The following SGSM3 variants were observed in gnomAD, a reference collection of about 807,000 sequenced individuals.
The protein encoded by SGSM3 is small G protein signaling modulator 3.
SGSM3 carries 96 observed loss-of-function variants against 100.5 expected under a neutral mutation model. The ratio of observed to expected loss-of-function variants is 0.96; its 90% CI spans 0.81 to 1.13. The LOEUF (loss-of-function observed/expected upper bound fraction) is 1.13. Ranked by LOEUF, SGSM3 falls within the 50% of genes most tolerant of loss-of-function variation. The pLI, the probability that SGSM3 is intolerant of heterozygous loss-of-function variation, is 0.00. For synonymous variants in SGSM3, 483 were observed against 422.8 expected (o/e 1.14, Z -1.75); for missense variants, 1,001 against 1,015.8 (o/e 0.99, Z 0.20).
intron 2 of SGSM3, 75 bp downstream of exon 2, chr22:40,400,888 G>C (rs1395784415): frequency 7.2e-7 from 1 of 1,394,804 alleles, no homozygotes; most frequent in Non-Finnish European, 9.6e-7. Flanking sequence ...AAGGTGGCTT[G>C]TTTTCCATAA....
chr22:40,384,150 G>A (rs2048045712), intron 1 of SGSM3, among the ~76,000 whole-genome samples: 1 of 152,098 alleles, frequency 6.6e-6, no homozygotes, highest in African/African-American at 2.4e-5. Flanking sequence ...AGGCTGAGGA[G>A]AGATGATTGC....
chr22:40,389,226 T>G (rs1186965383), intron 1 of SGSM3, among the ~76,000 whole-genome samples: 1 of 152,058 alleles, frequency 6.6e-6, no homozygotes, highest in East Asian at 1.9e-4. Context: ...TCATGACACA[T>G]AGACACCCAG....
chr22:40,404,545 C>T lies in SGSM3; in HGVS notation c.367-12C>T, dbSNP rs1415727454. ...AGAAAGACTGAGTGCCCTTGCGGCT[C>T]CCTTCCCTCAGCTGTGGATGCGGCT... On this transcript the variant is annotated splice_polypyrimidine_tract_variant and intron_variant, in intron 5 of 21. Transcript: ENST00000248929. The T allele has an allele frequency of 1.9e-6, 3 of 1,612,840 alleles. No individual in the cohort carries two copies. Among genetic ancestry groups the T allele is most frequent in the Admixed American group, 1.7e-5 (1 of 59,942 alleles).
intron 1 of SGSM3, among the ~76,000 whole-genome samples, chr22:40,393,404 C>T (rs2049621770): frequency 6.6e-6 from 1 of 152,256 alleles, no homozygotes; most frequent in South Asian, 2.1e-4. Flanking sequence ...TAGGCGTGAG[C>T]CACTGTGCCA....
At chr22:40,373,899 C>T (rs1181221351) in intron 1 of SGSM3, among the ~76,000 whole-genome samples, 4 of 151,988 alleles carry the variant, frequency 2.6e-5, no homozygotes, top group African/African-American at 9.7e-5. Flanking sequence ...CAGGCGTGAG[C>T]CACCACACCT....
At position 40,401,466 on chromosome 22, in the gene SGSM3, A is replaced by C. The variant is rs963086460; in HGVS notation, c.8-127A>C. ...TCTCCATGTTGGCCAGGCTGGTCTCAAACTCCTGACCTCAGGTGATCTGCC... is the reference window on the plus strand; with the variant it reads ...TCTCCATGTTGGCCAGGCTGGTCTCCAACTCCTGACCTCAGGTGATCTGCC... On this transcript the variant is annotated intron_variant, in intron 2 of 21. Transcript: ENST00000248929. 1.2e-5 allele frequency: 8 copies of C among 649,354 alleles called. No homozygotes were observed. In the African/African-American group the frequency reaches 1.3e-4, roughly 10 times the overall value. The allele number at this position is 649,354 out of a possible 1,614,324, so 40.2% of individuals were successfully genotyped here.
rs2051634780 is a variant in SGSM3, at chr22:40,406,938, G to C, written c.1186-79G>C. 3 of 1,360,462 alleles carry C rather than the reference G, an allele frequency of 2.2e-6. No individual in the cohort carries two copies. In the East Asian group the frequency reaches 7.5e-5, roughly 34 times the overall value. 84.3% of individuals were successfully genotyped at this position (1,360,462 alleles called of 1,614,324 possible). On this transcript the variant is annotated intron_variant, in intron 10 of 21. Transcript: ENST00000248929. The stretch of plus-strand genomic sequence containing the variant: ...GCCAGCGTCAGAGGCTATTTCAGAT[G>C]AGACAGTATAAGCCAAGGGCTGGTG...
rs1555952319 is a variant in SGSM3 at position 40,409,523 on chromosome 22, G to C, written c.2170G>C (p.Glu724Gln). The change falls in exon 21 of 22, where the codon GAG becomes CAG. Residue 724 changes from glutamate to glutamine, a missense_variant and splice_region_variant. Transcript: ENST00000248929. ...GGACTGGGAGCTCCCTGCGAAGAGA[G>C]AGGTGGGTGGTGTGGGCCTCGTAGG... is the stretch of plus-strand genomic sequence containing the variant. ...SQDWELPAKR[E>Q]AQQPLKEGVR... 6.2e-7 allele frequency: 1 copy of C among 1,600,830 alleles called. No individual in the cohort carries two copies. The highest frequency in any genetic ancestry group is 1.3e-5 in the African/African-American group (1 of 74,278).
At chr22:40,386,581 T>A (rs1021589919) in intron 1 of SGSM3, among the ~76,000 whole-genome samples, 7 of 148,366 alleles carry the variant, frequency 4.7e-5, no homozygotes, top group Non-Finnish European at 1.0e-4. Context: ...TTTTTTTTTT[T>A]TTTTTTTTAA....
At chr22:40,402,265 C>A in intron 4 of SGSM3, 60 bp downstream of exon 4, 1 of 1,290,844 alleles carries the variant, frequency 7.7e-7, no homozygotes, top group Non-Finnish European at 1.1e-6. Flanking sequence ...GGACTCCGCT[C>A]CCTTGACTGA....
chr22:40,402,537 C>G (rs540732823), intron 4 of SGSM3, among the ~76,000 whole-genome samples: 1 of 152,232 alleles, frequency 6.6e-6, no homozygotes, highest in Admixed American at 6.5e-5. Context: ...GCCAAGAGTT[C>G]AAGACCAACC....
Position 40,407,422 on chromosome 22 carries a change from C to A in SGSM3, c.1378C>A (p.Pro460Thr). 6.2e-7 allele frequency: 1 copy of A among 1,612,564 alleles called. No individual in the cohort carries two copies. The highest frequency in any genetic ancestry group is 1.7e-5 in the Admixed American group (1 of 60,012). The stretch of plus-strand genomic sequence containing the variant: ...GTGTTCACTGTGGCAGGAGCTGACT[C>A]CAGACTATAGCATGGAGAGCCACCA... ...DPKNCSVELT[P>T]DYSMESHQRD... The change falls in exon 13 of 22, where the codon CCA (proline) becomes ACA (threonine). Residue 460 changes from proline to threonine, a missense_variant. Coordinates refer to ENST00000248929, the MANE Select transcript of SGSM3 (RefSeq NM_015705.6). This position sits in a 1 kb window ranked among gnomAD's most constrained non-coding sequence, Gnocchi z 4.7.
intron 1 of SGSM3, among the ~76,000 whole-genome samples, chr22:40,394,219 C>T (rs2049749488): frequency 6.6e-6 from 1 of 152,180 alleles, no homozygotes; most frequent in Admixed American, 6.6e-5. Context: ...TTGACATCTC[C>T]ACTTAGGAGT....
Position 40,410,157 on chromosome 22 carries a change from T to A in SGSM3, c.*398T>A. ...CTAGGGCTGCAGAGCTGTATTCAGG[T>A]CCAAGGTTCTGCCCTTCCTTGAGTG... On this transcript the variant is annotated 3_prime_UTR_variant, in exon 22 of 22. Coordinates refer to ENST00000248929, the MANE Select transcript of SGSM3 (RefSeq NM_015705.6). 9.1e-7 allele frequency: 1 copy of A among 1,098,448 alleles called. No individual in the cohort carries two copies. The highest frequency in any genetic ancestry group is 1.1e-6 in the Non-Finnish European group (1 of 902,856). 68.0% of individuals were successfully genotyped at this position (1,098,448 alleles called of 1,614,324 possible).
chr22:40,407,371 A>T lies in SGSM3; in HGVS notation c.1369-42A>T, dbSNP rs777180775. On this transcript the variant is annotated intron_variant, in intron 12 of 21. Coordinates refer to ENST00000248929, the MANE Select transcript of SGSM3 (RefSeq NM_015705.6). The surrounding 1 kb of genome is among the most constrained non-coding windows in gnomAD (Gnocchi z 4.7). ...TGGGCTGCTACCAAACACGGCCCTA[A>T]CTCCTCCAACCCCCTTGGTGGGCCT... 6.2e-7 allele frequency: 1 copy of T among 1,612,300 alleles called. No homozygotes were observed. Among genetic ancestry groups the T allele is most frequent in the Admixed American group, 1.7e-5 (1 of 59,992 alleles).
At chr22:40,373,170 A>G (rs367915009) in intron 1 of SGSM3, among the ~76,000 whole-genome samples, 5 of 152,314 alleles carry the variant, frequency 3.3e-5, no homozygotes, top group African/African-American at 1.2e-4. Context: ...GGTCACTGTA[A>G]GTGACAGGGC....
intron 1 of SGSM3, among the ~76,000 whole-genome samples, chr22:40,398,855 GTAT>G (rs754461051): frequency 7.1e-6 from 1 of 140,886 alleles, no homozygotes; most frequent in Non-Finnish European, 1.5e-5. Context: ...TAAGGCATAG[GTAT>G]TATTATTCCA....
At chr22:40,380,363 AATT>A (rs973902182) in intron 1 of SGSM3, among the ~76,000 whole-genome samples, 5 of 140,930 alleles carry the variant, frequency 3.5e-5, no homozygotes, top group African/African-American at 1.3e-4. Flanking sequence ...GAATATCTAT[AATT>A]TTTTTTTTTT....
Position 40,406,770 on chromosome 22 carries a change from T to G in SGSM3, c.1185+108T>G, listed in dbSNP as rs1001814658. ...CGGAAAACAAACCAGCCCTTCCTGC[T>G]CTGCCCCCCAGCCTGGCCCAGTCAG... On this transcript the variant is annotated intron_variant, in intron 10 of 21. Coordinates refer to ENST00000248929, the MANE Select transcript of SGSM3 (RefSeq NM_015705.6). The G allele has an allele frequency of 2.1e-5, 21 of 1,019,886 alleles. No homozygotes were observed. The Admixed American group carries it at 2.2e-4, about 11-fold the overall frequency. The allele number at this position is 1,019,886 out of a possible 1,614,324, so 63.2% of individuals were successfully genotyped here. A position where few individuals can be genotyped will look rare whatever the true frequency, so the allele number is the denominator to read the frequency against.
Sources: gnomAD v4.1 joint callset for allele counts (sites outside exome capture counted in the v4.1 genomes callset) on GRCh38, gnomAD v4.1.1 for gene constraint, Gnocchi (gnomAD v3.1) non-coding constraint, MANE v1.5 for transcripts, NCBI Gene and HGNC (gene_info 2026-07-23, HGNC 2026-07-21) for gene names.